Variants in ZNF276 observed in about 807,000 individuals in gnomAD.
The protein encoded by ZNF276 is zinc finger protein 276.
In ZNF276, 59 loss-of-function variants were observed where a neutral mutation model predicts 63.9. That is an observed-to-expected ratio of 0.92 (90% CI 0.75 to 1.15). The LOEUF is 1.15. ZNF276 is among the 50% of genes most tolerant of loss of function. The pLI is 0.00. For missense variants in ZNF276, 1,084 were observed against 843.8 expected, an observed-to-expected ratio of 1.28 and a Z score of -3.53; for synonymous variants, 496 against 348.4, an observed-to-expected ratio of 1.42 and a Z score of -4.72.
At chr16:89,735,887 T>G (rs949789345) in intron 9 of ZNF276, among the ~76,000 whole-genome samples, 36 of 53,804 alleles carry the variant, frequency 6.7e-4, no homozygotes, top group African/African-American at 1.6e-3. Flanking sequence ...GGGTGTTTTT[T>G]TTTGTTTGTT....
rs755153673 is a variant in ZNF276, at chr16:89,739,983, G to GT, written c.*1738dup. The GT allele has an allele frequency of 6.2e-6, 10 of 1,613,732 alleles. No homozygotes were observed. The highest frequency in any genetic ancestry group is 8.5e-6 in the Non-Finnish European group (10 of 1,179,644). ...CCCTCCGCATTTGTGCCTCAGCAGC[G>GT]TGTTTCTTACCACTCTCTGTCAACT... On this transcript the variant is annotated 3_prime_UTR_variant, in exon 11 of 11. Coordinates refer to ENST00000443381, the MANE Select transcript of ZNF276 (RefSeq NM_001113525.2).
rs1160881828 is a variant in ZNF276, at chr16:89,729,840, T to C, written c.1169+522T>C. ...TGACTTCTGTGAGCTTGTTTTGACT[T>C]TGTTTTTAGGGATTTTTATTTTCTC... On this transcript the variant is annotated intron_variant, in intron 6 of 10. Transcript: ENST00000443381. 2.0e-5 allele frequency among the ~76,000 whole-genome samples: 3 copies of C among 152,232 alleles called. No homozygotes were observed. In the East Asian group the frequency reaches 5.8e-4, roughly 29 times the overall value.
In ZNF276 at chr16:89,733,369, C is replaced by A; in HGVS notation, c.1237C>A (p.Pro413Thr). ...KSEEPRIRKK[P>T]GPKPGWKKKL... ...TGAAGAACCAAGAATTCGGAAGAAG[C>A]CGGGACCCAAGCCCGGATGGAAGAA... Residue 413 changes from proline to threonine, a missense_variant, in exon 7 of 11, where the codon CCG becomes ACG. Physicochemically the swap from Pro to Thr is conservative, Grantham distance 38. Transcript: ENST00000443381. 2 of 1,614,144 alleles carry A rather than the reference C, an allele frequency of 1.2e-6. No homozygotes were observed. Among genetic ancestry groups the A allele is most frequent in the Non-Finnish European group, 1.7e-6 (2 of 1,180,036 alleles).
chr16:89,733,347 A>G lies in ZNF276; in HGVS notation c.1215A>G (p.Glu405=). The G allele has an allele frequency of 6.2e-7, 1 of 1,614,178 alleles. No homozygotes were observed. Among genetic ancestry groups the G allele is most frequent in the Non-Finnish European group, 8.5e-7 (1 of 1,180,046 alleles). Reference sequence around the variant, plus strand: ...AAAGCAAAGAAGCCAAGAAGTCTGAAGAACCAAGAATTCGGAAGAAGCCGG... The same window carrying G: ...AAAGCAAAGAAGCCAAGAAGTCTGAGGAACCAAGAATTCGGAAGAAGCCGG... ...KSESKEAKKS[E]EPRIRKKPGP... The change falls in exon 7 of 11, where the codon GAA becomes GAG. Residue 405 remains glutamate (E), a synonymous_variant. Transcript: ENST00000443381.
In ZNF276 at chr16:89,738,284, C is replaced by G. The variant is rs201817705; in HGVS notation, c.*38C>G. The G allele has an allele frequency of 5.1e-6, 8 of 1,554,276 alleles. No individual in the cohort carries two copies. The Admixed American group carries it at 5.8e-5, about 11-fold the overall frequency. ...GGATGAGCACCTCTAGCAGCCTGGA[C>G]TCCGCAGTGGCTGTGTCAGCCTCAC... On this transcript the variant is annotated 3_prime_UTR_variant, in exon 11 of 11. Transcript: ENST00000443381.
intron 4 of ZNF276, 114 bp downstream of exon 4, chr16:89,723,823 T>TGA: frequency 8.4e-7 from 1 of 1,184,666 alleles, no homozygotes; most frequent in Non-Finnish European, 1.2e-6. Context: ...GGGTGTGGTG[T>TGA]GAGAAGGAGC....
intron 3 of ZNF276, 32 bp downstream of exon 3, chr16:89,723,215 G>GT (rs1409656058): frequency 6.2e-7 from 1 of 1,613,080 alleles, no homozygotes; most frequent in East Asian, 2.2e-5. Context: ...GGTGGGCTGG[G>GT]TGCCGACCAG....
Position 89,722,618 on chromosome 16 carries a change from C to T in ZNF276, c.293C>T (p.Ala98Val). The change falls in exon 2 of 11, where the codon GCG becomes GTG. Residue 98 changes from alanine to valine, a missense_variant. Physicochemically the swap from Ala to Val is moderately conservative, Grantham distance 64. Transcript: ENST00000443381. ...AGCCTGCGCAGCATCTCCGAGAGGG[C>T]GCCTGGAGCGAGCATGGAGAGGCCA... ...SRSLRSISER[A>V]PGASMERPSA... 1.2e-6 allele frequency: 2 copies of T among 1,611,976 alleles called. No individual in the cohort carries two copies. The highest frequency in any genetic ancestry group is 1.7e-6 in the Non-Finnish European group (2 of 1,180,032).
At chr16:89,729,167 G>C in intron 5 of ZNF276, 68 bp from the exon 6 acceptor site, 1 of 1,291,792 alleles carries the variant, frequency 7.7e-7, no homozygotes, top group Non-Finnish European at 1.1e-6. Context: ...TCTTTAGGCA[G>C]GAGGTCGTGT....
rs765280598 is a variant in ZNF276, at chr16:89,722,568, C to G, written c.243C>G (p.Leu81=). The change falls in exon 2 of 11, where the codon CTC becomes CTG. Residue 81 remains leucine (L), a synonymous_variant. Coordinates refer to ENST00000443381, the MANE Select transcript of ZNF276 (RefSeq NM_001113525.2). ...CTCTCGCCATGGGTCACTGTCGCCT[C>G]TGCCACGGGAAGTTTTCCTCGAGAA... ...GRALAMGHCR[L]CHGKFSSRSL... is the part of the protein sequence containing the mutation. 6.2e-7 allele frequency: 1 copy of G among 1,612,438 alleles called. No individual in the cohort carries two copies. Among genetic ancestry groups the G allele is most frequent in the South Asian group, 1.1e-5 (1 of 91,078 alleles).
At position 89,736,247 on chromosome 16, in the gene ZNF276, G is replaced by C. The variant is rs1050979498; in HGVS notation, c.1475-1559G>C. On this transcript the variant is annotated intron_variant, in intron 9 of 10. Transcript: ENST00000443381. The stretch of plus-strand genomic sequence containing the variant: ...TTGCTATGTTGGCCAGGCTGGTCTC[G>C]AGTTCCTGACCTCAGGTGATTTGCC... Among the ~76,000 whole-genome samples the C allele has an allele frequency of 4.0e-5, 6 of 151,776 alleles. 1 individual carries two copies. The East Asian group carries it at 5.8e-4, about 15-fold the overall frequency.
chr16:89,733,186 GC>G, intron 6 of ZNF276, 115 bp from the exon 7 acceptor site: 1 of 967,248 alleles, frequency 1.0e-6, no homozygotes, highest in Non-Finnish European at 1.6e-6. Context: ...GGGTCAGTCA[GC>G]ACAGAAGCAA....
rs774442348 is a variant in ZNF276 at position 89,733,524 on chromosome 16, C to T, written c.1323C>T (p.Cys441=). ...PTIYKCPYQG[C]TAVYRGADGM... is the part of the protein sequence containing the mutation. ...TCTACAAGTGTCCTTACCAGGGCTG[C>T]ACGGCCGTGTACCGAGGCGCTGACG... Residue 441 remains cysteine (C), a synonymous_variant, in exon 8 of 11, where the codon TGC becomes TGT. Transcript: ENST00000443381. The T allele has an allele frequency of 1.9e-6, 3 of 1,614,154 alleles. No individual in the cohort carries two copies. The Admixed American group carries it at 5.0e-5, about 27-fold the overall frequency.
At chr16:89,723,227 C>T (rs538701385) in intron 3 of ZNF276, 33 bp from the exon 4 acceptor site, 16 of 1,613,128 alleles carry the variant, frequency 9.9e-6, no homozygotes, top group Middle Eastern at 1.6e-4. Context: ...GCCGACCAGC[C>T]GTGGATCTGA....
intron 6 of ZNF276, 85 bp downstream of exon 6, chr16:89,729,403 C>A: frequency 2.5e-6 from 3 of 1,203,516 alleles, no homozygotes; most frequent in Non-Finnish European, 3.7e-6. Flanking sequence ...TCCCCGGTGC[C>A]CACTCAGTTC....
chr16:89,733,967 C>T lies in ZNF276; in HGVS notation c.1403C>T (p.Pro468Leu), dbSNP rs1598016655. 1.9e-6 allele frequency: 3 copies of T among 1,614,052 alleles called. No individual in the cohort carries two copies. The highest frequency in any genetic ancestry group is 2.5e-6 in the Non-Finnish European group (3 of 1,180,022). ...HHEEVRERPC[P>L]HPGCNKVFMI... ...GAGGAGGTCCGGGAGCGGCCCTGCC[C>T]CCACCCTGGCTGCAACAAGGTTTTC... is the stretch of plus-strand genomic sequence containing the variant. The change falls in exon 9 of 11, where the codon CCC becomes CTC. Residue 468 changes from proline (P) to leucine (L), a missense_variant. Coordinates refer to ENST00000443381, the MANE Select transcript of ZNF276 (RefSeq NM_001113525.2).
chr16:89,725,616 C>T (rs889633663), intron 4 of ZNF276, among the ~76,000 whole-genome samples: 6 of 151,814 alleles, frequency 4.0e-5, no homozygotes, highest in African/African-American at 1.2e-4. Context: ...ACGGTGAAAC[C>T]CCATCTCTAC....
intron 1 of ZNF276, 118 bp downstream of exon 1, chr16:89,721,963 C>A (rs1247834368): frequency 7.0e-6 from 5 of 711,262 alleles, no homozygotes; most frequent in Non-Finnish European, 9.5e-6. Flanking sequence ...AAGGGCGTAG[C>A]GGACTCGGGG....
intron 5 of ZNF276, among the ~76,000 whole-genome samples, chr16:89,728,613 G>T (rs188849900): frequency 6.6e-6 from 1 of 151,786 alleles, no homozygotes; most frequent in African/African-American, 2.4e-5. Context: ...TTTGTTAGCC[G>T]GGATGGTCTT....
Sources: gnomAD v4.1 joint callset for allele counts (sites outside exome capture counted in the v4.1 genomes callset) on GRCh38, gnomAD v4.1.1 for gene constraint, MANE v1.5 for transcripts, NCBI Gene and HGNC (gene_info 2026-07-23, HGNC 2026-07-21) for gene names.